Variants in MAPT observed in about 807,000 individuals in gnomAD.
The protein encoded by MAPT is microtubule-associated protein tau.
In MAPT, 34 loss-of-function variants were observed where a neutral mutation model predicts 67.9. The observed-to-expected ratio is 0.50, with a 90% confidence interval of 0.38 to 0.67. MAPT has a LOEUF of 0.67. Among genes scored for constraint, MAPT ranks in the 30% least tolerant of loss-of-function variants. The pLI, the probability that MAPT is intolerant of heterozygous loss-of-function variation, is 0.00. For missense variants in MAPT, 881 were observed against 1,115.2 expected (o/e 0.79, Z 2.99); for synonymous variants, 456 against 464.5 (o/e 0.98, Z 0.23).
intron 9 of MAPT, chr17:45,999,673 G>A: frequency 3.8e-6 from 6 of 1,582,700 alleles, no homozygotes; most frequent in Non-Finnish European, 5.1e-6. Context: ...GTAGAAAGGG[G>A]CAGATGGGAG....
At chr17:45,920,540 G>A (rs1320587076) in intron 1 of MAPT, among the ~76,000 whole-genome samples, 2 of 152,198 alleles carry the variant, frequency 1.3e-5, no homozygotes, top group African/African-American at 4.8e-5. Flanking sequence ...CCTCTGCTGA[G>A]CCGTGCACCT....
chr17:46,010,108 C>T lies in MAPT; in HGVS notation c.1999-202C>T, dbSNP rs1282808711. On this transcript the variant is annotated intron_variant, in intron 9 of 12. Coordinates refer to ENST00000262410, the MANE Select transcript of MAPT (RefSeq NM_001377265.1). This position sits in a 1 kb window ranked among gnomAD's most constrained non-coding sequence, Gnocchi z 4.7. Reference sequence around the variant, plus strand: ...GATGCCTTCAGAGCAGCCCTCTATCCCTTCAGCTCCCCTGGGATGTGACTC... The same window carrying T: ...GATGCCTTCAGAGCAGCCCTCTATCTCTTCAGCTCCCCTGGGATGTGACTC... 6.6e-6 allele frequency among the ~76,000 whole-genome samples: 1 copy of T among 152,188 alleles called. No homozygotes were observed. Among genetic ancestry groups the T allele is most frequent in the African/African-American group, 2.4e-5 (1 of 41,434 alleles).
chr17:45,934,500 A>G (rs963444989), intron 1 of MAPT, among the ~76,000 whole-genome samples: 1 of 152,134 alleles, frequency 6.6e-6, no homozygotes, highest in African/African-American at 2.4e-5. Context: ...TTGGCTGGAC[A>G]GTTGCCCAAA....
intron 1 of MAPT, among the ~76,000 whole-genome samples, chr17:45,942,337 G>A (rs748739526): frequency 3.9e-5 from 6 of 152,148 alleles, no homozygotes; most frequent in African/African-American, 1.4e-4. Context: ...AGTTGGCTTC[G>A]CCCAGGGTGC....
At position 46,024,054 on chromosome 17, in the gene MAPT, G is replaced by A. The variant is rs116567476; in HGVS notation, c.2385G>A (p.Thr795=). Residue 795 remains threonine (T), a synonymous_variant, in exon 13 of 13, where the codon ACG becomes ACA. Coordinates refer to ENST00000262410, the MANE Select transcript of MAPT (RefSeq NM_001377265.1). ...VYKSPVVSGD[T]SPRHLSNVSS... ...AGTCGCCAGTGGTGTCTGGGGACACGTCTCCACGGCATCTCAGCAATGTCT... is the reference window on the plus strand; with the variant it reads ...AGTCGCCAGTGGTGTCTGGGGACACATCTCCACGGCATCTCAGCAATGTCT... 1.2e-5 allele frequency: 20 copies of A among 1,614,110 alleles called. No individual in the cohort carries two copies. Among genetic ancestry groups the A allele is most frequent in the African/African-American group, 4.0e-5 (3 of 75,044 alleles).
chr17:45,959,985 A>G (rs559825481), intron 1 of MAPT, among the ~76,000 whole-genome samples: 29 of 152,334 alleles, frequency 1.9e-4, no homozygotes, highest in Admixed American at 1.9e-3. Flanking sequence ...CTCATGCTAT[A>G]ATCTTATGTG....
chr17:45,962,266 C>G (rs2070515492), intron 1 of MAPT, 55 bp from the exon 2 acceptor site: 1 of 1,449,682 alleles, frequency 6.9e-7, no homozygotes, highest in Admixed American at 1.8e-5. Context: ...TCTCTTCACC[C>G]CCACTCTGCC....
At chr17:45,957,825 G>A (rs762428443) in intron 1 of MAPT, among the ~76,000 whole-genome samples, 7 of 151,764 alleles carry the variant, frequency 4.6e-5, no homozygotes, top group Non-Finnish European at 7.4e-5. Context: ...AATTCCAGCC[G>A]AAATCCCAGT....
intron 2 of MAPT, among the ~76,000 whole-genome samples, chr17:45,970,834 A>C (rs536801037): frequency 6.6e-6 from 1 of 152,202 alleles, no homozygotes; most frequent in Non-Finnish European, 1.5e-5. Context: ...TCGGCTGGCC[A>C]TGGGCCTGCC....
rs1354399188 is a variant in MAPT at position 46,026,632 on chromosome 17, G to A, written c.*2461G>A. ...AGCGCAGCCTCCCACCAAGGGCCCT[G>A]CGACCACAGCAGGGATTGGGATGAA... On this transcript the variant is annotated 3_prime_UTR_variant, in exon 13 of 13. Transcript: ENST00000262410. 6.6e-6 allele frequency: 1 copy of A among 152,266 alleles called. No homozygotes were observed. Among genetic ancestry groups the A allele is most frequent in the Non-Finnish European group, 1.5e-5 (1 of 68,114 alleles). The allele number at this position is 152,266 out of a possible 1,614,324, so 9.4% of individuals were successfully genotyped here.
intron 1 of MAPT, among the ~76,000 whole-genome samples, chr17:45,946,615 A>AAAAAAATATATATATATATATAT: frequency 2.0e-5 from 2 of 100,404 alleles, no homozygotes; most frequent in Admixed American, 2.3e-4. Flanking sequence ...AAAAAAAAAA[A>AAAAAAATATATATATATATATAT]ATATATATAT....
At position 45,906,251 on chromosome 17, in the gene MAPT, G is replaced by A. The variant is rs2064301427; in HGVS notation, c.-18+11565G>A. On this transcript the variant is annotated intron_variant, in intron 1 of 12. Transcript: ENST00000262410. This position sits in a 1 kb window ranked among gnomAD's most constrained non-coding sequence, Gnocchi z 4.3. ...TTCTGGGCTCAAGTCACGACCCTTG[G>A]ATGGAATTTCCTGGGAGCTTTTCTG... 6.6e-6 allele frequency among the ~76,000 whole-genome samples: 1 copy of A among 152,184 alleles called. No individual in the cohort carries two copies. Among genetic ancestry groups the A allele is most frequent in the Non-Finnish European group, 1.5e-5 (1 of 68,016 alleles).
intron 1 of MAPT, among the ~76,000 whole-genome samples, chr17:45,949,502 A>G (rs1006447511): frequency 1.3e-5 from 2 of 152,198 alleles, no homozygotes; most frequent in Non-Finnish European, 2.9e-5. Flanking sequence ...GATGGGTTTT[A>G]GCATCAAAAT....
chr17:45,985,101 C>T (rs930106791), intron 5 of MAPT, among the ~76,000 whole-genome samples: 11 of 152,088 alleles, frequency 7.2e-5, no homozygotes, highest in Non-Finnish European at 1.2e-4. Flanking sequence ...GTTAGGAGTT[C>T]GAGACCAGCC....
In MAPT at chr17:45,983,695, C is replaced by A; in HGVS notation, c.1116C>A (p.Ala372=). ...PSVGRAKGQD[A]PLEFTFHVEI... The stretch of plus-strand genomic sequence containing the variant: ...TAGGGCGGGCCAAAGGGCAGGATGC[C>A]CCCCTGGAGTTCACGTTTCACGTGG... The change falls in exon 5 of 13, where the codon GCC becomes GCA. Residue 372 remains alanine (A), a synonymous_variant. Coordinates refer to ENST00000262410, the MANE Select transcript of MAPT (RefSeq NM_001377265.1). The A allele has an allele frequency of 6.2e-7, 1 of 1,614,102 alleles. No individual in the cohort carries two copies. The highest frequency in any genetic ancestry group is 8.5e-7 in the Non-Finnish European group (1 of 1,179,986).
chr17:46,003,966 A>T (rs1162813010), intron 9 of MAPT, among the ~76,000 whole-genome samples: 1 of 152,210 alleles, frequency 6.6e-6, no homozygotes, highest in Non-Finnish European at 1.5e-5. Context: ...TGGCCAGCTG[A>T]CTTAACAGGA....
At chr17:45,946,615 A>AAAAAAAAATATATATATATATATATATAT in intron 1 of MAPT, among the ~76,000 whole-genome samples, 2 of 100,406 alleles carry the variant, frequency 2.0e-5, no homozygotes. Flanking sequence ...AAAAAAAAAA[A>AAAAAAAAATATATATATATATATATATAT]ATATATATAT....
At chr17:45,951,674 G>C (rs2069094932) in intron 1 of MAPT, among the ~76,000 whole-genome samples, 1 of 152,058 alleles carries the variant, frequency 6.6e-6, no homozygotes, top group South Asian at 2.1e-4. Flanking sequence ...CAGTGACTCA[G>C]CTAGCCCCTT....
intron 1 of MAPT, among the ~76,000 whole-genome samples, chr17:45,937,640 GAAA>G (rs372335391): frequency 1.5e-5 from 2 of 134,962 alleles, no homozygotes; most frequent in Non-Finnish European, 3.2e-5. Flanking sequence ...GAAAAGAAAA[GAAA>G]AAAAAAAAAG....
Sources: gnomAD v4.1 joint callset for allele counts (sites outside exome capture counted in the v4.1 genomes callset) on GRCh38, gnomAD v4.1.1 for gene constraint, Gnocchi (gnomAD v3.1) non-coding constraint, MANE v1.5 for transcripts, NCBI Gene and HGNC (gene_info 2026-07-23, HGNC 2026-07-21) for gene names.